The following CAMK1G variants were observed in gnomAD, a reference collection of about 807,000 sequenced individuals.
The protein encoded by CAMK1G is calcium/calmodulin-dependent protein kinase type 1G.
Under a neutral mutation model 54.8 loss-of-function variants are expected in CAMK1G, and 27 were observed. The observed-to-expected ratio is 0.49, with a 90% CI of 0.36 to 0.68. The LOEUF (loss-of-function observed/expected upper bound fraction) is 0.68, where lower values mean the gene tolerates loss of function less well. Among genes scored for constraint, CAMK1G ranks in the 30% least tolerant of loss-of-function variants. CAMK1G has a pLI of 0.00. For missense variants in CAMK1G, 512 were observed against 591.0 expected, an observed-to-expected ratio of 0.87 and a Z score of 1.39; for synonymous variants, 238 against 224.9, an observed-to-expected ratio of 1.06 and a Z score of -0.52.
At chr1:209,601,374 G>T (rs1232529214) in intron 3 of CAMK1G, among the ~76,000 whole-genome samples, 1 of 152,198 alleles carries the variant, frequency 6.6e-6, no homozygotes, top group East Asian at 1.9e-4. Flanking sequence ...CTGAGATTGA[G>T]CAATCAAGTG....
intron 9 of CAMK1G, 55 bp downstream of exon 9, chr1:209,609,984 T>C (rs1665742706): frequency 1.5e-6 from 2 of 1,368,650 alleles, no homozygotes; most frequent in Admixed American, 1.7e-5. Context: ...CCCAAAACCA[T>C]GCTGACTCAT....
chr1:209,604,185 T>C (rs908929923), intron 4 of CAMK1G, among the ~76,000 whole-genome samples: 4 of 152,114 alleles, frequency 2.6e-5, no homozygotes, highest in Non-Finnish European at 4.4e-5. Context: ...AAGCACCTGA[T>C]TAACTGGGGG....
chr1:209,609,029 GAGA>G lies in CAMK1G; in HGVS notation c.689_691del (p.Lys230del). The G allele has an allele frequency of 1.2e-6, 2 of 1,614,164 alleles. No homozygotes were observed. On this transcript the variant is annotated inframe_deletion, in exon 8 of 13. Transcript: ENST00000361322. ...TGAAGAAACGGAGTCTAAGCTTTTC[GAGA>G]AGATCAAGGAGGGCTACTATGAGTT...
At chr1:209,586,862 A>T (rs142956672) in intron 1 of CAMK1G, among the ~76,000 whole-genome samples, 6 of 152,258 alleles carry the variant, frequency 3.9e-5, no homozygotes, top group Admixed American at 3.9e-4. Context: ...CTAGAGAATG[A>T]TCTTCACATC....
At chr1:209,599,801 TC>T (rs966116220) in intron 2 of CAMK1G, among the ~76,000 whole-genome samples, 181 bp from the exon 3 acceptor site, 1 of 152,194 alleles carries the variant, frequency 6.6e-6, no homozygotes, top group South Asian at 2.1e-4. Flanking sequence ...GAATACAGGT[TC>T]CCCCCTTCCC....
intron 1 of CAMK1G, among the ~76,000 whole-genome samples, chr1:209,588,129 C>G (rs550254179): frequency 2.0e-5 from 3 of 152,288 alleles, no homozygotes; most frequent in South Asian, 4.1e-4. Context: ...TGCTCAGAAG[C>G]CCCTAGTGAC....
intron 7 of CAMK1G, 70 bp downstream of exon 7, chr1:209,608,003 C>A: frequency 8.0e-7 from 1 of 1,247,304 alleles, no homozygotes; most frequent in Non-Finnish European, 1.2e-6. Context: ...CTCGTTCCCT[C>A]CCCTGTCTCA....
At position 209,594,958 on chromosome 1, in the gene CAMK1G, C is replaced by T. The variant is rs1467538107; in HGVS notation, c.-26C>T. 3 of 1,606,860 alleles carry T rather than the reference C, an allele frequency of 1.9e-6. No individual in the cohort carries two copies. The highest frequency in any genetic ancestry group is 2.7e-5 in the African/African-American group (2 of 74,654). On this transcript the variant is annotated 5_prime_UTR_variant, in exon 2 of 13. Coordinates refer to ENST00000361322, the MANE Select transcript of CAMK1G (RefSeq NM_020439.3). ...TCTCCCACTCCCTGCAATAAAGCAT[C>T]CTCAGAAGCTTCAACTCTGGAGGCA...
intron 2 of CAMK1G, among the ~76,000 whole-genome samples, chr1:209,596,132 C>T (rs998047379): frequency 1.1e-4 from 17 of 152,242 alleles, no homozygotes; most frequent in African/African-American, 3.9e-4. Context: ...TGCCCACACT[C>T]GTGCCGTAGA....
chr1:209,584,117 A>G (rs1357976412), intron 1 of CAMK1G, among the ~76,000 whole-genome samples: 1 of 152,122 alleles, frequency 6.6e-6, no homozygotes, highest in Non-Finnish European at 1.5e-5. Context: ...CTGTGCCTAG[A>G]GGGACCCCGT....
intron 1 of CAMK1G, among the ~76,000 whole-genome samples, chr1:209,593,263 A>G (rs1056867601): frequency 2.6e-5 from 4 of 152,252 alleles, no homozygotes; most frequent in African/African-American, 7.2e-5. Context: ...TTTTGTTCAA[A>G]GGCTATTATT....
intron 2 of CAMK1G, among the ~76,000 whole-genome samples, chr1:209,596,033 C>T (rs116724934): frequency 1.7e-4 from 26 of 152,350 alleles, no homozygotes; most frequent in South Asian, 2.1e-4. Flanking sequence ...GAGCAGCCAG[C>T]GGGCTGTCCA....
At chr1:209,589,055 C>T (rs1665180680) in intron 1 of CAMK1G, among the ~76,000 whole-genome samples, 1 of 152,156 alleles carries the variant, frequency 6.6e-6, no homozygotes, top group Non-Finnish European at 1.5e-5. Flanking sequence ...ACTGCACTAG[C>T]CCCAAGGGAG....
intron 1 of CAMK1G, among the ~76,000 whole-genome samples, chr1:209,588,875 G>A (rs1665174544): frequency 6.6e-6 from 1 of 152,184 alleles, no homozygotes; most frequent in African/African-American, 2.4e-5. Context: ...CTGCCACTGG[G>A]AGCATGGAAA....
intron 1 of CAMK1G, among the ~76,000 whole-genome samples, chr1:209,592,445 C>T (rs979894717): frequency 3.3e-5 from 5 of 151,818 alleles, no homozygotes; most frequent in African/African-American, 4.8e-5. Context: ...CATGAGCTGA[C>T]ATGAGCCGGC....
intron 2 of CAMK1G, among the ~76,000 whole-genome samples, chr1:209,598,403 G>A (rs1665440617): frequency 6.6e-6 from 1 of 152,304 alleles, no homozygotes; most frequent in Admixed American, 6.5e-5. Flanking sequence ...TGTCCCATCT[G>A]CTACCTCCAG....
At chr1:209,609,783 C>T (rs1167785730) in intron 8 of CAMK1G, 68 bp from the exon 9 acceptor site, 17 of 1,492,434 alleles carry the variant, frequency 1.1e-5, no homozygotes, top group Admixed American at 8.4e-5. Context: ...CCCACCAGCC[C>T]GGAAGTGAAT....
At chr1:209,587,500 G>A (rs1665133963) in intron 1 of CAMK1G, among the ~76,000 whole-genome samples, 1 of 152,064 alleles carries the variant, frequency 6.6e-6, no homozygotes. Context: ...CCTTTAATAA[G>A]CTAATGTGGA....
intron 8 of CAMK1G, 132 bp from the exon 9 acceptor site, chr1:209,609,719 A>G (rs1665736690): frequency 3.5e-6 from 3 of 853,756 alleles, no homozygotes; most frequent in South Asian, 3.1e-5. Flanking sequence ...TTCCTCTTCT[A>G]AGACTCTTAA....
Sources: allele counts gnomAD v4.1 joint callset (sites outside exome capture counted in the v4.1 genomes callset), GRCh38; gene constraint gnomAD v4.1.1; transcripts MANE v1.5; gene names NCBI Gene and HGNC (gene_info 2026-07-23, HGNC 2026-07-21).